The following SULT1E1 variants were observed in gnomAD, a reference collection of about 807,000 sequenced individuals.
The protein encoded by SULT1E1 is sulfotransferase family 1E member 1, also known as sulfotransferase 1E1.
Under a neutral mutation model 33.6 loss-of-function variants are expected in SULT1E1, and 36 were observed. The ratio of observed to expected loss-of-function variants is 1.07; its 90% confidence interval spans 0.82 to 1.41. The LOEUF (loss-of-function observed/expected upper bound fraction) is 1.41. Ranked by LOEUF, SULT1E1 falls within the 40% of genes most tolerant of loss-of-function variation. SULT1E1 has a pLI of 0.00. For missense variants in SULT1E1, 371 were observed against 345.7 expected (o/e 1.07, Z -0.58); for synonymous variants, 121 against 111.7 (o/e 1.08, Z -0.53).
chr4:69,839,109 A>C (rs1418671445), downstream of SULT1E1, among the ~76,000 whole-genome samples: 1 of 152,220 alleles, frequency 6.6e-6, no homozygotes, highest in Non-Finnish European at 1.5e-5. Flanking sequence ...GGCTCCAATT[A>C]TGAGCAATTA....
chr4:69,852,458 T>G (rs11573767), intron 4 of SULT1E1, among the ~76,000 whole-genome samples: 1 of 152,106 alleles, frequency 6.6e-6, no homozygotes, highest in Non-Finnish European at 1.5e-5. Context: ...AGCCATAATC[T>G]TTTCTTCCAA....
At chr4:69,848,296 G>A (rs192112799) in intron 5 of SULT1E1, among the ~76,000 whole-genome samples, 3 of 151,692 alleles carry the variant, frequency 2.0e-5, no homozygotes, top group African/African-American at 7.3e-5. Context: ...TGTTCTCGTA[G>A]GTACCCTTAG....
intron 2 of SULT1E1, among the ~76,000 whole-genome samples, chr4:69,856,116 A>G (rs1211855615): frequency 1.3e-5 from 2 of 152,174 alleles, no homozygotes; most frequent in Non-Finnish European, 2.9e-5. Flanking sequence ...AAACAGTTCT[A>G]CCAGGCAGAA....
At chr4:69,825,861 G>T in the SULT1E1 span, among the ~76,000 whole-genome samples, 119 of 152,176 alleles carry the variant, frequency 7.8e-4, no homozygotes, top group Non-Finnish European at 1.4e-3. Flanking sequence ...TCTCTTCTCC[G>T]AGGCTAGTCC....
Position 69,849,585 on chromosome 4 carries a change from T to G in SULT1E1, c.370-22A>C, listed in dbSNP as rs778643836. 5 of 1,551,214 alleles carry G rather than the reference T, an allele frequency of 3.2e-6. No homozygotes were observed. The Middle Eastern group carries it at 5.2e-4, about 161-fold the overall frequency. On this transcript the variant is annotated intron_variant, in intron 4 of 7. Coordinates refer to ENST00000226444, the MANE Select transcript of SULT1E1 (RefSeq NM_005420.3). ...TTATCTAAGAGGATGAAATTGTATA[T>G]TAAACCACTTAACATTTTTTTCAAA...
chr4:69,829,139 TC>T, the SULT1E1 span, among the ~76,000 whole-genome samples: 1 of 152,156 alleles, frequency 6.6e-6, no homozygotes, highest in Non-Finnish European at 1.5e-5. Flanking sequence ...CTGGAATATG[TC>T]CCATTAAAGT....
At chr4:69,833,506 C>T in the SULT1E1 span, among the ~76,000 whole-genome samples, 1 of 152,266 alleles carries the variant, frequency 6.6e-6, no homozygotes, top group South Asian at 2.1e-4. Context: ...CAATTGAAGG[C>T]AAGTATCAAT....
chr4:69,830,593 G>T, the SULT1E1 span, among the ~76,000 whole-genome samples: 14 of 152,208 alleles, frequency 9.2e-5, no homozygotes, highest in Admixed American at 2.0e-4. Context: ...AGATGCTGCA[G>T]CTGGGATGCG....
At chr4:69,840,873 C>G (rs370662053), downstream of SULT1E1, among the ~76,000 whole-genome samples, 16 of 152,158 alleles carry the variant, frequency 1.1e-4, no homozygotes, top group Non-Finnish European at 2.4e-4. Flanking sequence ...TGTGAAACCC[C>G]GTCTCTACTA....
chr4:69,854,357 T>C (rs1721189877), intron 3 of SULT1E1, 43 bp from the exon 4 acceptor site: 2 of 1,261,642 alleles, frequency 1.6e-6, no homozygotes, highest in Non-Finnish European at 2.3e-6. Context: ...TCAAAAATTG[T>C]AACTATTTAT....
At chr4:69,834,743 A>T in the SULT1E1 span, among the ~76,000 whole-genome samples, 2 of 152,334 alleles carry the variant, frequency 1.3e-5, no homozygotes, top group South Asian at 4.1e-4. Flanking sequence ...GAAAAAGAGC[A>T]GAAAGATATC....
Position 69,855,354 on chromosome 4 carries a change from A to G in SULT1E1, c.218T>C (p.Val73Ala), listed in dbSNP as rs546818174. The change falls in exon 3 of 8, where the codon GTA becomes GCA. Residue 73 changes from valine to alanine, a missense_variant. Val to Ala is a moderately conservative substitution (Grantham distance 64, BLOSUM62 0). Coordinates refer to ENST00000226444, the MANE Select transcript of SULT1E1 (RefSeq NM_005420.3). The stretch of plus-strand genomic sequence containing the variant: ...CAGGAAAGGTATTCGATTAAAAATT[A>G]CATCTTCTTTGCACTTTTCCACATC... Reference protein sequence around the residue: ...EGDVEKCKEDVIFNRIPFLEC... With the variant: ...EGDVEKCKEDAIFNRIPFLEC... 132 of 1,613,282 alleles carry G rather than the reference A, an allele frequency of 8.2e-5. 1 individual carries two copies. The South Asian group carries it at 1.4e-3, about 17-fold the overall frequency.
chr4:69,826,049 C>T, the SULT1E1 span, among the ~76,000 whole-genome samples: 1 of 152,140 alleles, frequency 6.6e-6, no homozygotes, highest in Non-Finnish European at 1.5e-5. Flanking sequence ...ATTTTAGGGT[C>T]CCTCCTCAGA....
intron 2 of SULT1E1, 63 bp from the exon 3 acceptor site, chr4:69,855,489 GC>G: frequency 6.7e-7 from 1 of 1,500,256 alleles, no homozygotes. Context: ...CATTAGTGCT[GC>G]ATTTATGGAT....
chr4:69,855,153 T>A, intron 3 of SULT1E1, 148 bp downstream of exon 3: 1 of 808,708 alleles, frequency 1.2e-6, no homozygotes, highest in Non-Finnish European at 1.8e-6. Flanking sequence ...CCTGTCAAGA[T>A]TTAAATTTAA....
the SULT1E1 span, among the ~76,000 whole-genome samples, chr4:69,821,223 CTT>C: frequency 6.6e-6 from 1 of 152,100 alleles, no homozygotes; most frequent in Non-Finnish European, 1.5e-5. Flanking sequence ...TTTATAAAAA[CTT>C]AAAATTAATG....
chr4:69,828,196 A>G, the SULT1E1 span, among the ~76,000 whole-genome samples: 1 of 152,228 alleles, frequency 6.6e-6, no homozygotes, highest in Admixed American at 6.5e-5. Flanking sequence ...ACCGTCCTCA[A>G]TAAGGGAATA....
chr4:69,850,198 G>GA (rs1721073434), intron 4 of SULT1E1, among the ~76,000 whole-genome samples: 2 of 151,956 alleles, frequency 1.3e-5, no homozygotes, highest in South Asian at 4.1e-4. Context: ...TTGGCAGTAA[G>GA]AAAAAACAGT....
chr4:69,845,659 T>C (rs1191612046), intron 6 of SULT1E1, among the ~76,000 whole-genome samples: 1 of 151,394 alleles, frequency 6.6e-6, no homozygotes, highest in Non-Finnish European at 1.5e-5. Flanking sequence ...AATTAATTTG[T>C]ACATTCTTAG....
Sources: gnomAD v4.1 joint callset for allele counts (sites outside exome capture counted in the v4.1 genomes callset) on GRCh38, gnomAD v4.1.1 for gene constraint, MANE v1.5 for transcripts, NCBI Gene and HGNC (gene_info 2026-07-23, HGNC 2026-07-21) for gene names.